Variants in AP3B1 observed in about 807,000 individuals in gnomAD.
AP3B1 encodes the protein adaptor related protein complex 3 subunit beta 1.
A neutral mutation model predicts 132.5 loss-of-function variants in AP3B1; 61 were observed. That is an observed-to-expected ratio of 0.46 (90% CI 0.37 to 0.57). AP3B1 has a LOEUF of 0.57. Among genes scored for constraint, AP3B1 ranks in the 20% least tolerant of loss-of-function variants. AP3B1 has a pLI of 0.00. For synonymous variants in AP3B1, 388 were observed against 438.3 expected (o/e 0.89, Z 1.43); for missense variants, 1,120 against 1,289.4 (o/e 0.87, Z 2.01).
At chr5:78,038,438 T>A (rs968513398) in intron 23 of AP3B1, among the ~76,000 whole-genome samples, 1 of 152,130 alleles carries the variant, frequency 6.6e-6, no homozygotes, top group African/African-American at 2.4e-5. Flanking sequence ...CTAACCCTAA[T>A]GATAGCTGAT....
At chr5:78,142,876 GA>G (rs1753213548) in intron 14 of AP3B1, among the ~76,000 whole-genome samples, 1 of 151,982 alleles carries the variant, frequency 6.6e-6, no homozygotes, top group South Asian at 2.1e-4. Context: ...CTGATTTCTG[GA>G]AAGAAAAGAG....
intron 7 of AP3B1, among the ~76,000 whole-genome samples, chr5:78,182,158 G>A (rs746060035): frequency 2.7e-4 from 41 of 152,162 alleles, no homozygotes; most frequent in Non-Finnish European, 4.7e-4. Flanking sequence ...TCAAGAAAAC[G>A]TCTCAGTTTG....
chr5:78,134,220 T>C (rs1752812129), intron 15 of AP3B1, among the ~76,000 whole-genome samples: 1 of 150,130 alleles, frequency 6.7e-6, no homozygotes, highest in South Asian at 2.1e-4. Context: ...AACTGGGAAA[T>C]ATTTATTCAA....
chr5:78,078,204 A>G (rs145633798), intron 22 of AP3B1, among the ~76,000 whole-genome samples: 1 of 152,268 alleles, frequency 6.6e-6, no homozygotes, highest in South Asian at 2.1e-4. Context: ...AGAAAATTTC[A>G]ATGTCATTGT....
chr5:78,285,590 C>T (rs2112591672), intron 1 of AP3B1, among the ~76,000 whole-genome samples: 1 of 152,290 alleles, frequency 6.6e-6, no homozygotes, highest in Admixed American at 6.5e-5. Context: ...ATCCAACTGC[C>T]TATTTAGTAT....
At chr5:78,282,841 T>A (rs1235453552) in intron 1 of AP3B1, among the ~76,000 whole-genome samples, 1 of 127,116 alleles carries the variant, frequency 7.9e-6, no homozygotes, top group Non-Finnish European at 1.7e-5. Context: ...GTAAGACTTG[T>A]CTCTACCAAA....
intron 1 of AP3B1, among the ~76,000 whole-genome samples, chr5:78,284,006 T>A (rs973259905): frequency 6.6e-6 from 1 of 152,184 alleles, no homozygotes; most frequent in Non-Finnish European, 1.5e-5. Flanking sequence ...CTATGTGCTC[T>A]CGCCACACTG....
chr5:78,111,471 ATAATAAG>A (rs1483627037), intron 19 of AP3B1, among the ~76,000 whole-genome samples: 1 of 152,198 alleles, frequency 6.6e-6, no homozygotes, highest in Non-Finnish European at 1.5e-5. Flanking sequence ...ATAATACAGT[ATAATAAG>A]TAATAAGTAA....
Position 78,120,968 on chromosome 5 carries a change from T to C in AP3B1, c.1969-4734A>G, listed in dbSNP as rs1160558895. Among the ~76,000 whole-genome samples the C allele has an allele frequency of 2.0e-5, 3 of 152,100 alleles. No homozygotes were observed. The East Asian group carries it at 5.8e-4, about 29-fold the overall frequency. ...GTAAAGCACTCCTCAGCAAATGTAA[T>C]AGAACAGAAATTATAACGAACTGTC... On this transcript the variant is annotated intron_variant, in intron 17 of 26. Coordinates refer to ENST00000255194, the MANE Select transcript of AP3B1 (RefSeq NM_003664.5).
chr5:78,263,284 GTTTAA>G (rs994425200), intron 2 of AP3B1, among the ~76,000 whole-genome samples: 46 of 152,062 alleles, frequency 3.0e-4, no homozygotes, highest in African/African-American at 1.1e-3. Flanking sequence ...ATGAATATTT[GTTTAA>G]TTTTATTTTC....
intron 1 of AP3B1, among the ~76,000 whole-genome samples, chr5:78,287,184 CAT>C (rs970537806): frequency 1.2e-4 from 19 of 152,106 alleles, no homozygotes; most frequent in Non-Finnish European, 2.8e-4. Context: ...TTTTAAATAA[CAT>C]AAAATCTCAC....
intron 22 of AP3B1, among the ~76,000 whole-genome samples, chr5:78,053,821 G>C (rs1258854580): frequency 6.6e-6 from 1 of 152,094 alleles, no homozygotes. Context: ...CCCGTCATTA[G>C]GTTCGTTTTA....
In AP3B1 at chr5:78,002,899, AGG is replaced by A; in HGVS notation, c.*1_*2del. On this transcript the variant is annotated 3_prime_UTR_variant, in exon 27 of 27. Transcript: ENST00000255194. ...CAGATTCTAAAGTCCAGATGTAAGCAGGTTACCCCTGAGACAGGACAGGCTTC... is the reference window on the plus strand; with the variant it reads ...CAGATTCTAAAGTCCAGATGTAAGCATTACCCCTGAGACAGGACAGGCTTC... 1 of 1,614,176 alleles carries A rather than the reference AGG, an allele frequency of 6.2e-7. No homozygotes were observed. The highest frequency in any genetic ancestry group is 8.5e-7 in the Non-Finnish European group (1 of 1,180,010).
At position 78,240,846 on chromosome 5, in the gene AP3B1, T is replaced by C. The variant is rs199804239; in HGVS notation, c.279+16A>G. 3.8e-4 allele frequency: 601 copies of C among 1,568,356 alleles called. No individual in the cohort carries two copies. The highest frequency in any genetic ancestry group is 1.0e-3 in the Middle Eastern group (6 of 5,988). ...AAAACAAAAGGAATCATAAAAATTA[T>C]AGATCAAAACAGTACCTCAATATTT... On this transcript the variant is annotated intron_variant, in intron 3 of 26. Coordinates refer to ENST00000255194, the MANE Select transcript of AP3B1 (RefSeq NM_003664.5).
At chr5:78,257,155 T>C (rs1215081434) in intron 2 of AP3B1, among the ~76,000 whole-genome samples, 5 of 152,114 alleles carry the variant, frequency 3.3e-5, no homozygotes, top group Non-Finnish European at 7.4e-5. Context: ...AACATACCAC[T>C]GGAAGTCCTA....
intron 26 of AP3B1, among the ~76,000 whole-genome samples, chr5:78,011,316 G>C (rs903143586): frequency 3.9e-5 from 6 of 152,074 alleles, no homozygotes; most frequent in Non-Finnish European, 8.8e-5. Context: ...AAAGTGCTGG[G>C]ATTACGGGCA....
At chr5:78,171,507 G>T (rs1435767087) in intron 11 of AP3B1, among the ~76,000 whole-genome samples, 1 of 152,078 alleles carries the variant, frequency 6.6e-6, no homozygotes, top group Non-Finnish European at 1.5e-5. Context: ...ATTGTGAATG[G>T]GAGTTCACTC....
intron 19 of AP3B1, among the ~76,000 whole-genome samples, chr5:78,113,502 C>T (rs1751682773): frequency 6.6e-6 from 1 of 152,150 alleles, no homozygotes; most frequent in South Asian, 2.1e-4. Flanking sequence ...TCACTTAACT[C>T]AGCCTTCCAA....
chr5:78,014,535 C>G (rs962177132), intron 26 of AP3B1, among the ~76,000 whole-genome samples: 12 of 152,276 alleles, frequency 7.9e-5, no homozygotes, highest in African/African-American at 2.4e-4. Context: ...CATATGGGGC[C>G]TCTCTTGCTC....
Sources: allele counts gnomAD v4.1 joint callset (sites outside exome capture counted in the v4.1 genomes callset), GRCh38; gene constraint gnomAD v4.1.1; transcripts MANE v1.5; gene names NCBI Gene and HGNC (gene_info 2026-07-23, HGNC 2026-07-21).